Variants in EPM2A observed in about 807,000 individuals in gnomAD.
The protein encoded by EPM2A is laforin.
EPM2A carries 21 observed loss-of-function variants against 26.5 expected under a neutral mutation model. That is an observed-to-expected ratio of 0.79 (90% CI 0.56 to 1.14). The LOEUF is 1.14. EPM2A is among the 50% of genes most tolerant of loss of function. EPM2A has a pLI of 0.00. For missense variants in EPM2A, 458 were observed against 440.8 expected, an observed-to-expected ratio of 1.04 and a Z score of -0.35; for synonymous variants, 217 against 177.6, an observed-to-expected ratio of 1.22 and a Z score of -1.76.
Position 145,719,422 on chromosome 6 carries a change from T to C in EPM2A, c.301+15776A>G, listed in dbSNP as rs1270525738. Among the ~76,000 whole-genome samples the C allele has an allele frequency of 7.9e-5, 11 of 139,762 alleles. No individual in the cohort carries two copies. In the Admixed American group the frequency reaches 8.8e-4, roughly 11 times the overall value. 91.7% of individuals were successfully genotyped at this position (139,762 alleles called of 152,430 possible). On this transcript the variant is annotated intron_variant, in intron 1 of 3. Transcript: ENST00000367519. ...TCACTCATAGGTGGAAATTGAACAATGAGAACACATGGACACAGGAAGGGG... is the reference window on the plus strand; with the variant it reads ...TCACTCATAGGTGGAAATTGAACAACGAGAACACATGGACACAGGAAGGGG...
chr6:145,651,803 G>A (rs140871306), intron 2 of EPM2A, among the ~76,000 whole-genome samples: 65 of 152,212 alleles, frequency 4.3e-4, no homozygotes, highest in African/African-American at 1.4e-3. Flanking sequence ...CTACTCAGGT[G>A]GTTAGGAAAA....
intron 1 of EPM2A, among the ~76,000 whole-genome samples, chr6:145,712,209 G>T (rs139826625): frequency 0.011 from 1,654 of 152,188 alleles, 13 homozygotes; most frequent in Admixed American, 0.018. Context: ...GAAGCCTGCA[G>T]CAACAGACCA....
chr6:145,401,378 G>A (rs1000367967), intron 4 of EPM2A, among the ~76,000 whole-genome samples: 7 of 152,112 alleles, frequency 4.6e-5, no homozygotes, highest in African/African-American at 1.7e-4. Context: ...ATGGCAAAGA[G>A]TGTTCCTTGA....
chr6:145,645,857 G>A (rs1562437454), intron 2 of EPM2A, among the ~76,000 whole-genome samples: 1 of 152,150 alleles, frequency 6.6e-6, no homozygotes, highest in South Asian at 2.1e-4. Flanking sequence ...GCCTCTCAAA[G>A]TGCTAGGATT....
In EPM2A at chr6:145,612,550, TCAA is replaced by T. The variant is rs371680810; in HGVS notation, c.340+22692_340+22694del. ...GAGAATACTGTGAAATGTAATACAA[TCAA>T]CAACACAGGCAAACCTCAGAGATAC... On this transcript the variant is annotated intron_variant, in intron 2 of 3. Transcript: ENST00000450221. Among the ~76,000 whole-genome samples the T allele has an allele frequency of 3.7e-4, 56 of 152,014 alleles. No individual in the cohort carries two copies. The East Asian group carries it at 9.1e-3, about 25-fold the overall frequency.
intron 4 of EPM2A, among the ~76,000 whole-genome samples, chr6:145,476,839 T>A (rs1238967852): frequency 6.6e-6 from 1 of 151,228 alleles, no homozygotes; most frequent in South Asian, 2.1e-4. Context: ...AGTGCCTACA[T>A]CAAAAAGAAG....
At chr6:145,644,763 A>T (rs1039389037) in intron 2 of EPM2A, among the ~76,000 whole-genome samples, 2 of 152,128 alleles carry the variant, frequency 1.3e-5, no homozygotes, top group Non-Finnish European at 2.9e-5. Context: ...GAGTACAAAG[A>T]GTATACTTCA....
chr6:145,516,467 A>G (rs192414644), intron 2 of EPM2A, among the ~76,000 whole-genome samples: 7 of 152,272 alleles, frequency 4.6e-5, no homozygotes, highest in African/African-American at 1.2e-4. Flanking sequence ...CCAGAAAACA[A>G]TACTGGTGGC....
chr6:145,583,239 T>G (rs1283349472), intron 2 of EPM2A, among the ~76,000 whole-genome samples: 2 of 152,222 alleles, frequency 1.3e-5, no homozygotes, highest in African/African-American at 4.8e-5. Flanking sequence ...TCTGGCTTTT[T>G]GAGTTGCCAG....
chr6:145,559,777 C>T (rs1780780005), intron 2 of EPM2A, among the ~76,000 whole-genome samples: 2 of 151,596 alleles, frequency 1.3e-5, no homozygotes, highest in African/African-American at 4.8e-5. Flanking sequence ...TTCCTACCCT[C>T]CCCACCCTCC....
At chr6:145,554,507 T>C (rs576309882) in intron 2 of EPM2A, among the ~76,000 whole-genome samples, 3 of 151,780 alleles carry the variant, frequency 2.0e-5, no homozygotes, top group African/African-American at 7.3e-5. Context: ...CTTTAAGGAA[T>C]TGGTGTCCTA....
At chr6:145,734,455 C>T (rs1191155294) in intron 1 of EPM2A, 2 of 151,440 alleles carry the variant, frequency 1.3e-5, no homozygotes, top group Non-Finnish European at 2.9e-5. Flanking sequence ...ATGTACATTT[C>T]TTTATTATTA....
At chr6:145,387,594 C>G (rs1171780874) in intron 4 of EPM2A, among the ~76,000 whole-genome samples, 2 of 152,030 alleles carry the variant, frequency 1.3e-5, no homozygotes, top group Non-Finnish European at 2.9e-5. Context: ...TCTATTCCCA[C>G]TGTCTGGGGG....
At chr6:145,691,491 G>A (rs1403642232) in intron 1 of EPM2A, among the ~76,000 whole-genome samples, 1 of 152,024 alleles carries the variant, frequency 6.6e-6, no homozygotes, top group Non-Finnish European at 1.5e-5. Flanking sequence ...AACAGAAGAT[G>A]TCTAAACAAA....
At position 145,735,407 on chromosome 6, in the gene EPM2A, C is replaced by T. The variant is rs1562535536; in HGVS notation, c.92G>A (p.Arg31His). Reference protein sequence around the residue: ...LVVGSRPELGRWEPRGAVRLR... With the variant: ...LVVGSRPELGHWEPRGAVRLR... Reference sequence around the variant, plus strand: ...GCGGACGGCACCGCGCGGCTCCCAACGCCCCAGCTCGGGCCGCGACCCCAC... The same window carrying T: ...GCGGACGGCACCGCGCGGCTCCCAATGCCCCAGCTCGGGCCGCGACCCCAC... Residue 31 changes from arginine (R) to histidine (H), a missense_variant, in exon 1 of 4, where the codon CGT becomes CAT. By Grantham distance (29) the Arg-to-His change is conservative. Transcript: ENST00000367519. The T allele has an allele frequency of 8.1e-7, 1 of 1,240,532 alleles. No individual in the cohort carries two copies. Among genetic ancestry groups the T allele is most frequent in the Admixed American group, 3.4e-5 (1 of 29,152 alleles). 76.8% of individuals were successfully genotyped at this position (1,240,532 alleles called of 1,614,324 possible).
At chr6:145,460,983 T>C (rs1389617130) in intron 4 of EPM2A, among the ~76,000 whole-genome samples, 3 of 152,198 alleles carry the variant, frequency 2.0e-5, no homozygotes, top group South Asian at 2.1e-4. Context: ...TAGTGGTTTT[T>C]ATTCCTCATT....
intron 4 of EPM2A, among the ~76,000 whole-genome samples, chr6:145,456,496 A>T (rs1484853150): frequency 6.6e-6 from 1 of 152,206 alleles, no homozygotes; most frequent in East Asian, 1.9e-4. Flanking sequence ...GAACTTTCCA[A>T]ATGAATAGAG....
intron 2 of EPM2A, among the ~76,000 whole-genome samples, chr6:145,641,620 G>A (rs533791021): frequency 2.0e-5 from 3 of 152,206 alleles, no homozygotes; most frequent in Admixed American, 6.5e-5. Flanking sequence ...TACACCAGAC[G>A]TCCTTAAAGC....
chr6:145,609,496 T>C lies in EPM2A; in HGVS notation c.340+25749A>G, dbSNP rs9497369. ...CAGTTACATAAACTCTAAATTATTT[T>C]AGGAGCTGATTCTTGTGGGAAAGAT... On this transcript the variant is annotated intron_variant, in intron 2 of 3. Coordinates refer to the EPM2A transcript ENST00000450221. 5.2e-3 allele frequency among the ~76,000 whole-genome samples: 794 copies of C among 152,340 alleles called. 4 individuals carry two copies. The highest frequency in any genetic ancestry group is 0.018 in the African/African-American group (760 of 41,578).
Sources: gnomAD v4.1 joint callset for allele counts (sites outside exome capture counted in the v4.1 genomes callset) on GRCh38, gnomAD v4.1.1 for gene constraint, MANE v1.5 for transcripts, NCBI Gene and HGNC (gene_info 2026-07-23, HGNC 2026-07-21) for gene names.